Variants in MLLT3 observed in about 807,000 individuals in gnomAD.
MLLT3 encodes the protein protein AF-9.
MLLT3 carries 4 observed loss-of-function variants against 53.2 expected under a neutral mutation model. The ratio of observed to expected loss-of-function variants is 0.08; its 90% CI spans 0.04 to 0.17. The LOEUF (loss-of-function observed/expected upper bound fraction) is 0.17. Among genes scored for constraint, MLLT3 ranks in the 10% least tolerant of loss-of-function variants. The pLI is 1.00. For synonymous variants in MLLT3, 283 were observed against 230.6 expected (o/e 1.23, Z -2.06); for missense variants, 569 against 684.0 (o/e 0.83, Z 1.87).
rs146894203 is a variant in MLLT3 at position 20,374,929 on chromosome 9, C to G, written c.1126-9185G>C. ...AAGGTAATTAGGTTTAAAATGAGGT[C>G]ATGAACGTAGGGCCCTCTTGATGGA... On this transcript the variant is annotated intron_variant, in intron 5 of 10. Coordinates refer to ENST00000380338, the MANE Select transcript of MLLT3 (RefSeq NM_004529.4). 5.0e-3 allele frequency among the ~76,000 whole-genome samples: 768 copies of G among 152,314 alleles called. 5 individuals carry two copies. The highest frequency in any genetic ancestry group is 8.2e-3 in the Non-Finnish European group (559 of 68,030).
In MLLT3 at chr9:20,363,282, C is replaced by A. The variant is rs2118641364; in HGVS notation, c.1331+194G>T. On this transcript the variant is annotated intron_variant, in intron 7 of 10. Coordinates refer to ENST00000380338, the MANE Select transcript of MLLT3 (RefSeq NM_004529.4). The stretch of plus-strand genomic sequence containing the variant: ...CCTATAAAAATTTTTAGAGGAAAAG[C>A]CTCTTTCTGAGAAAAAGGAGAAACA... The A allele has an allele frequency of 2.2e-5, 12 of 551,832 alleles. No homozygotes were observed. The East Asian group carries it at 3.6e-4, about 16-fold the overall frequency. The allele number at this position is 551,832 out of a possible 1,614,324, so 34.2% of individuals were successfully genotyped here. A position where few individuals can be genotyped will look rare whatever the true frequency, so the allele number is the denominator to read the frequency against.
chr9:20,528,558 T>C (rs541448872), intron 2 of MLLT3, among the ~76,000 whole-genome samples: 3 of 152,362 alleles, frequency 2.0e-5, no homozygotes, highest in East Asian at 3.9e-4. Context: ...ACAAAGGCTC[T>C]AGGGGAGAAT....
intron 5 of MLLT3, among the ~76,000 whole-genome samples, chr9:20,413,020 A>G (rs1470750693): frequency 6.6e-6 from 1 of 152,198 alleles, no homozygotes; most frequent in African/African-American, 2.4e-5. Flanking sequence ...GCATCCACAA[A>G]GGATAATCCT....
chr9:20,566,648 T>C (rs555859031), intron 2 of MLLT3, among the ~76,000 whole-genome samples: 20 of 152,212 alleles, frequency 1.3e-4, no homozygotes, highest in Admixed American at 4.6e-4. Flanking sequence ...CTGATACAAA[T>C]AGTTGCTCAA....
chr9:20,390,028 A>G (rs1365041014), intron 5 of MLLT3, among the ~76,000 whole-genome samples: 1 of 152,216 alleles, frequency 6.6e-6, no homozygotes, highest in East Asian at 1.9e-4. Context: ...CCATCAGATT[A>G]TTATGGAAGT....
chr9:20,347,569 G>C (rs1820908150), intron 10 of MLLT3, among the ~76,000 whole-genome samples: 1 of 152,180 alleles, frequency 6.6e-6, no homozygotes, highest in Non-Finnish European at 1.5e-5. Context: ...ATTGGTTTGA[G>C]AGATTCTTTT....
chr9:20,598,658 T>C (rs901361992), intron 2 of MLLT3, among the ~76,000 whole-genome samples: 4 of 152,240 alleles, frequency 2.6e-5, no homozygotes, highest in African/African-American at 4.8e-5. Flanking sequence ...CCAGAAGTGA[T>C]GATCAGTAAA....
intron 2 of MLLT3, among the ~76,000 whole-genome samples, chr9:20,543,165 C>T (rs1355581724): frequency 6.6e-5 from 10 of 152,190 alleles, no homozygotes; most frequent in Non-Finnish European, 1.2e-4. Flanking sequence ...AACCCTGTGT[C>T]GCTTTCTTAA....
At chr9:20,589,617 A>G (rs1038092608) in intron 2 of MLLT3, among the ~76,000 whole-genome samples, 23 of 152,136 alleles carry the variant, frequency 1.5e-4, no homozygotes, top group Middle Eastern at 3.4e-3. Context: ...TTTTATAAAA[A>G]AAGAATTTGA....
chr9:20,437,025 A>G (rs1315959446), intron 4 of MLLT3, among the ~76,000 whole-genome samples: 1 of 152,114 alleles, frequency 6.6e-6, no homozygotes, highest in African/African-American at 2.4e-5. Context: ...ATGTGCCCAA[A>G]GACACACAGC....
intron 8 of MLLT3, 67 bp downstream of exon 8, chr9:20,360,675 C>T (rs1821298622): frequency 2.3e-6 from 3 of 1,326,190 alleles, no homozygotes; most frequent in South Asian, 2.4e-5. Flanking sequence ...GAAAGTTTTG[C>T]ATGCTTTGTA....
intron 3 of MLLT3, among the ~76,000 whole-genome samples, chr9:20,453,446 C>T (rs1030312039): frequency 3.3e-5 from 5 of 152,004 alleles, no homozygotes; most frequent in African/African-American, 7.2e-5. Flanking sequence ...GCCTGTGGTC[C>T]CAGCTACTTG....
In MLLT3 at chr9:20,562,417, A is replaced by G. The variant is rs539957856; in HGVS notation, c.193+58237T>C. 3.3e-5 allele frequency among the ~76,000 whole-genome samples: 5 copies of G among 152,290 alleles called. No individual in the cohort carries two copies. In the South Asian group the frequency reaches 6.2e-4, roughly 19 times the overall value. On this transcript the variant is annotated intron_variant, in intron 2 of 10. Transcript: ENST00000380338. The stretch of plus-strand genomic sequence containing the variant: ...TACACTTCTAGCTTTGCACCTCAAA[A>G]GTAACATGTAAAGGAATTTAAAATT...
chr9:20,415,800 T>C (rs1487879806), intron 4 of MLLT3, among the ~76,000 whole-genome samples: 8 of 152,090 alleles, frequency 5.3e-5, no homozygotes, highest in Non-Finnish European at 1.0e-4. Context: ...TATAGGTACA[T>C]GTATAAGCAT....
chr9:20,586,725 G>T (rs1487457994), intron 2 of MLLT3, among the ~76,000 whole-genome samples: 1 of 151,566 alleles, frequency 6.6e-6, no homozygotes, highest in Non-Finnish European at 1.5e-5. Context: ...GAGGAATGAA[G>T]GGAAAAAAAG....
intron 2 of MLLT3, among the ~76,000 whole-genome samples, chr9:20,610,758 G>A (rs575237330): frequency 8.3e-4 from 127 of 152,262 alleles, no homozygotes; most frequent in Admixed American, 1.5e-3. Flanking sequence ...ATGAAAGCAT[G>A]TAACACATAA....
chr9:20,403,390 C>T (rs775589934), intron 5 of MLLT3, among the ~76,000 whole-genome samples: 1 of 152,022 alleles, frequency 6.6e-6, no homozygotes, highest in Non-Finnish European at 1.5e-5. Context: ...ATCTACAGGC[C>T]CAATGAAGAT....
chr9:20,459,230 C>T (rs1384828345), intron 2 of MLLT3, among the ~76,000 whole-genome samples: 1 of 152,106 alleles, frequency 6.6e-6, no homozygotes, highest in Non-Finnish European at 1.5e-5. Flanking sequence ...GAAAATTGCC[C>T]CAAACTGACA....
chr9:20,547,911 G>A (rs974539724), intron 2 of MLLT3, among the ~76,000 whole-genome samples: 1 of 152,166 alleles, frequency 6.6e-6, no homozygotes. Flanking sequence ...GAGATCACAT[G>A]ACTGCACTCC....
Sources: allele counts gnomAD v4.1 joint callset (sites outside exome capture counted in the v4.1 genomes callset), GRCh38; gene constraint gnomAD v4.1.1; transcripts MANE v1.5; gene names NCBI Gene and HGNC (gene_info 2026-07-23, HGNC 2026-07-21).